The following CCDC63 variants were observed in gnomAD, a reference collection of about 807,000 sequenced individuals.
CCDC63 encodes the protein coiled-coil domain containing 63.
A neutral mutation model predicts 63.6 loss-of-function variants in CCDC63; 54 were observed. The observed-to-expected ratio is 0.85, with a 90% confidence interval of 0.68 to 1.07. CCDC63 has a LOEUF of 1.07. Ranked by LOEUF, CCDC63 falls within the 50% of genes least tolerant of loss-of-function variation. The pLI, the probability that CCDC63 is intolerant of heterozygous loss-of-function variation, is 0.00. For synonymous variants in CCDC63, 253 were observed against 266.1 expected, an observed-to-expected ratio of 0.95 and a Z score of 0.48; for missense variants, 637 against 689.6, an observed-to-expected ratio of 0.92 and a Z score of 0.86.
chr12:110,905,151 C>T (rs1429267682), intron 11 of CCDC63, among the ~76,000 whole-genome samples: 1 of 152,152 alleles, frequency 6.6e-6, no homozygotes, highest in African/African-American at 2.4e-5. Context: ...CTCAGTGTCT[C>T]ATGCTCACCC....
At chr12:110,904,830 G>C in intron 11 of CCDC63, 39 bp downstream of exon 11, 5 of 1,502,982 alleles carry the variant, frequency 3.3e-6, no homozygotes, top group Non-Finnish European at 4.5e-6. Flanking sequence ...GGTTGCTAGG[G>C]AACCTGTGCC....
In CCDC63 at chr12:110,881,102, T is replaced by A; in HGVS notation, c.672-13T>A. ...AGCCTCAGATGCTCAGGCTCTGTACTCCCTTTGCCCAGGGTGGAGGCCATG... is the reference window on the plus strand; with the variant it reads ...AGCCTCAGATGCTCAGGCTCTGTACACCCTTTGCCCAGGGTGGAGGCCATG... On this transcript the variant is annotated splice_polypyrimidine_tract_variant and intron_variant, in intron 6 of 11. Transcript: ENST00000308208. 3.1e-6 allele frequency: 5 copies of A among 1,601,260 alleles called. No individual in the cohort carries two copies. The highest frequency in any genetic ancestry group is 4.3e-6 in the Non-Finnish European group (5 of 1,174,418).
intron 9 of CCDC63, among the ~76,000 whole-genome samples, chr12:110,897,169 C>T (rs1415082471): frequency 6.6e-6 from 1 of 151,822 alleles, no homozygotes; most frequent in Non-Finnish European, 1.5e-5. Flanking sequence ...TGCAATGGCT[C>T]ACATCTGTTA....
At chr12:110,854,120 G>A (rs891382328) in intron 3 of CCDC63, among the ~76,000 whole-genome samples, 8 of 152,246 alleles carry the variant, frequency 5.3e-5, no homozygotes, top group Non-Finnish European at 1.2e-4. Context: ...CACTCCCTTG[G>A]TCCTACCAGG....
In CCDC63 at chr12:110,858,700, C is replaced by A. The variant is rs763935999; in HGVS notation, c.294C>A (p.Leu98=). 6.2e-7 allele frequency: 1 copy of A among 1,613,958 alleles called. No individual in the cohort carries two copies. Among genetic ancestry groups the A allele is most frequent in the South Asian group, 1.1e-5 (1 of 91,074 alleles). The part of the protein sequence containing the change: ...RSEKNYMELR[L]LLQTKEDYEA... ...AGAAGAACTACATGGAGCTGCGACT[C>A]CTGCTCCAAACTAAGGAGGACTATG... The change falls in exon 4 of 12, where the codon CTC becomes CTA. Residue 98 remains leucine, a synonymous_variant. Coordinates refer to ENST00000308208, the MANE Select transcript of CCDC63 (RefSeq NM_152591.3).
chr12:110,846,025 C>A (rs913253220), upstream of CCDC63: 4 of 151,186 alleles, frequency 2.6e-5, no homozygotes, highest in African/African-American at 4.9e-5. Context: ...TGGTCTTGAG[C>A]TCCTGACCTT....
upstream of CCDC63, among the ~76,000 whole-genome samples, chr12:110,846,141 A>T (rs886094557): frequency 6.6e-6 from 1 of 152,106 alleles, no homozygotes; most frequent in African/African-American, 2.4e-5. Flanking sequence ...ATCCTGTCCC[A>T]AGAATTTACG....
chr12:110,848,367 A>G (rs780014724), intron 1 of CCDC63, among the ~76,000 whole-genome samples: 9 of 152,098 alleles, frequency 5.9e-5, no homozygotes, highest in Non-Finnish European at 1.2e-4. Flanking sequence ...AGGCCAAGCT[A>G]TGAGGATGGG....
At chr12:110,877,624 C>T (rs1870083922) in intron 5 of CCDC63, among the ~76,000 whole-genome samples, 2 of 152,046 alleles carry the variant, frequency 1.3e-5, no homozygotes, top group African/African-American at 4.8e-5. Context: ...ACCTCCATCT[C>T]CCTGCTCCCT....
At chr12:110,849,887 C>T (rs1184298148) in intron 1 of CCDC63, among the ~76,000 whole-genome samples, 2 of 152,092 alleles carry the variant, frequency 1.3e-5, no homozygotes, top group African/African-American at 2.4e-5. Context: ...TATCATTAGA[C>T]CAATCATTGA....
At position 110,858,713 on chromosome 12, in the gene CCDC63, A is replaced by G. The variant is rs761597970; in HGVS notation, c.307A>G (p.Lys103Glu). ...YMELRLLLQT[K>E]EDYEALIKSL... ...GGAGCTGCGACTCCTGCTCCAAACT[A>G]AGGAGGACTATGAGGCATTGATTAA... Residue 103 changes from lysine (K) to glutamate (E), a missense_variant, in exon 4 of 12, where the codon AAG (lysine) becomes GAG (glutamate). Physicochemically the swap from Lys to Glu is moderately conservative, Grantham distance 56. Transcript: ENST00000308208. 10 of 1,613,926 alleles carry G rather than the reference A, an allele frequency of 6.2e-6. No individual in the cohort carries two copies. Among genetic ancestry groups the G allele is most frequent in the Non-Finnish European group, 7.6e-6 (9 of 1,179,998 alleles).
chr12:110,875,235 A>G (rs1445125929), intron 5 of CCDC63, among the ~76,000 whole-genome samples: 1 of 152,066 alleles, frequency 6.6e-6, no homozygotes, highest in Non-Finnish European at 1.5e-5. Context: ...AGATTTTTGG[A>G]TTTCCTCCAG....
intron 10 of CCDC63, among the ~76,000 whole-genome samples, chr12:110,900,295 T>C (rs897110858): frequency 1.3e-5 from 2 of 151,958 alleles, no homozygotes; most frequent in African/African-American, 4.8e-5. Context: ...AAGTGGAATG[T>C]TTTTCTCCTA....
At chr12:110,901,410 T>C (rs140799804) in intron 10 of CCDC63, among the ~76,000 whole-genome samples, 14 of 152,200 alleles carry the variant, frequency 9.2e-5, no homozygotes, top group African/African-American at 3.1e-4. Context: ...TTTTTTTTTG[T>C]AGATATGGGG....
chr12:110,873,231 G>T (rs61940984), intron 4 of CCDC63, among the ~76,000 whole-genome samples: 1,609 of 152,188 alleles, frequency 0.011, 12 homozygotes, highest in Non-Finnish European at 0.014. Context: ...GTGAGACCCT[G>T]TCTCAAAAAA....
intron 4 of CCDC63, among the ~76,000 whole-genome samples, chr12:110,871,718 C>T (rs1373033213): frequency 6.6e-6 from 1 of 152,190 alleles, no homozygotes; most frequent in Middle Eastern, 3.4e-3. Context: ...GGTATACACT[C>T]GTAATCATCA....
In CCDC63 at chr12:110,877,954, G is replaced by C. The variant is rs1247352367; in HGVS notation, c.490-1952G>C. Among the ~76,000 whole-genome samples the C allele has an allele frequency of 2.0e-5, 3 of 151,154 alleles. No homozygotes were observed. The East Asian group carries it at 5.9e-4, about 30-fold the overall frequency. The stretch of plus-strand genomic sequence containing the variant: ...ACTCCTGATCTCAGGTGATCCACCC[G>C]CCTCAGCCTCCCAAAGTGCTGGGAT... On this transcript the variant is annotated intron_variant, in intron 5 of 11. Transcript: ENST00000308208.
intron 3 of CCDC63, among the ~76,000 whole-genome samples, chr12:110,856,844 CTTTTTT>C (rs34855503): frequency 1.7e-5 from 2 of 115,548 alleles, no homozygotes. Context: ...CCTTTCCTTT[CTTTTTT>C]TTTTTTTTTT....
intron 4 of CCDC63, among the ~76,000 whole-genome samples, chr12:110,860,487 C>A (rs1215126478): frequency 2.0e-5 from 3 of 152,172 alleles, no homozygotes; most frequent in Non-Finnish European, 4.4e-5. Flanking sequence ...CCCAGTGTCC[C>A]GCACACAGTA....
Sources: allele counts gnomAD v4.1 joint callset (sites outside exome capture counted in the v4.1 genomes callset), GRCh38; gene constraint gnomAD v4.1.1; transcripts MANE v1.5; gene names NCBI Gene and HGNC (gene_info 2026-07-23, HGNC 2026-07-21).